The following COL12A1 variants were observed in gnomAD, a reference collection of about 807,000 sequenced individuals.
The protein encoded by COL12A1 is collagen alpha-1(XII) chain.
COL12A1 carries 114 observed loss-of-function variants against 349.7 expected under a neutral mutation model. The ratio of observed to expected loss-of-function variants is 0.33; its 90% CI spans 0.28 to 0.38. COL12A1 has a LOEUF of 0.38. Among genes scored for constraint, COL12A1 ranks in the 10% least tolerant of loss-of-function variants. The pLI is 1.00. For synonymous variants in COL12A1, 1,369 were observed against 1,329.0 expected, an observed-to-expected ratio of 1.03 and a Z score of -0.66; for missense variants, 3,284 against 3,756.9, an observed-to-expected ratio of 0.87 and a Z score of 3.29.
Position 75,146,104 on chromosome 6 carries a change from C to T in COL12A1, c.4558G>A (p.Glu1520Lys), listed in dbSNP as rs1369840129. Residue 1520 changes from glutamate to lysine, a missense_variant and splice_region_variant, in exon 24 of 66, where the codon GAG becomes AAG. Transcript: ENST00000322507. ...VKDTEPTRPK[E>K]VRLGPTVNDM... Reference sequence around the variant, plus strand: ...TTAAAGAAACAAACATCTTTCACCTCTTTGGGTCTTGTTGGCTCTGTGTCC... The same window carrying T: ...TTAAAGAAACAAACATCTTTCACCTTTTTGGGTCTTGTTGGCTCTGTGTCC... 1.9e-6 allele frequency: 3 copies of T among 1,595,558 alleles called. No homozygotes were observed. The highest frequency in any genetic ancestry group is 2.2e-5 in the East Asian group (1 of 44,664).
intron 16 of COL12A1, among the ~76,000 whole-genome samples, chr6:75,154,864 T>C (rs1767675070): frequency 6.6e-6 from 1 of 152,168 alleles, no homozygotes. Context: ...TCTTTAATCT[T>C]ACTGTTTCTA....
In COL12A1 at chr6:75,091,326, T is replaced by C; in HGVS notation, c.8749A>G (p.Ser2917Gly). Residue 2917 changes from serine to glycine, a missense_variant, in exon 62 of 66, where the codon AGT becomes GGT. Physicochemically the swap from Ser to Gly is moderately conservative, Grantham distance 56. This residue lies in a region of COL12A1 where 683 missense variants were observed against 932.1 expected (regional missense o/e 0.73). Transcript: ENST00000322507. The stretch of plus-strand genomic sequence containing the variant: ...GTAAAAAGAAAAGAAATTTTACCAC[T>C]TATCAATTGTTCACAGACTTGTCTT... ...VARQVCEQLI[S>G]GQMNRFNQML... The C allele has an allele frequency of 6.2e-7, 1 of 1,612,554 alleles. No individual in the cohort carries two copies. Among genetic ancestry groups the C allele is most frequent in the Non-Finnish European group, 8.5e-7 (1 of 1,179,602 alleles).
chr6:75,124,159 T>C (rs1334734179), intron 41 of COL12A1, 65 bp from the exon 42 acceptor site: 5 of 1,593,744 alleles, frequency 3.1e-6, no homozygotes, highest in Non-Finnish European at 4.3e-6. Flanking sequence ...AAATTTTATA[T>C]CGCATTGTTA....
intron 16 of COL12A1, 130 bp downstream of exon 16, chr6:75,155,532 G>T: frequency 2.1e-6 from 2 of 950,030 alleles, no homozygotes; most frequent in Non-Finnish European, 3.0e-6. Flanking sequence ...AGCTTTAGCT[G>T]ATTTTAAATA....
chr6:75,161,779 CCTT>C (rs1314004207), intron 14 of COL12A1, among the ~76,000 whole-genome samples: 1 of 152,194 alleles, frequency 6.6e-6, no homozygotes, highest in Non-Finnish European at 1.5e-5. Context: ...CCCAGAATCT[CCTT>C]AAGCTGATAA....
chr6:75,200,756 T>C (rs1770484430), intron 2 of COL12A1, among the ~76,000 whole-genome samples: 1 of 152,164 alleles, frequency 6.6e-6, no homozygotes, highest in Admixed American at 6.5e-5. Context: ...TGTTTCTTTT[T>C]CCATTTTGAA....
rs375435011 is a variant in COL12A1 at position 75,091,119 on chromosome 6, G to A, written c.8752+204C>T. Among the ~76,000 whole-genome samples the A allele has an allele frequency of 3.9e-4, 60 of 151,948 alleles. No homozygotes were observed. In the East Asian group the frequency reaches 0.01, roughly 26 times the overall value. On this transcript the variant is annotated intron_variant, in intron 62 of 65. Coordinates refer to ENST00000322507, the MANE Select transcript of COL12A1 (RefSeq NM_004370.6). ...GTTTACTGCTATTATTTTACCTTGG[G>A]TTATTATTTTATCTTAGTGACAATC...
At chr6:75,195,649 C>T (rs554255865) in intron 2 of COL12A1, among the ~76,000 whole-genome samples, 7 of 152,034 alleles carry the variant, frequency 4.6e-5, no homozygotes, top group Non-Finnish European at 8.8e-5. Context: ...ATATAAATAG[C>T]GATATTCAAA....
chr6:75,109,079 A>C lies in COL12A1; in HGVS notation c.8039T>G (p.Ile2680Arg), dbSNP rs1768706071. 6.2e-7 allele frequency: 1 copy of C among 1,612,420 alleles called. No individual in the cohort carries two copies. Among genetic ancestry groups the C allele is most frequent in the African/African-American group, 1.3e-5 (1 of 74,838 alleles). The part of the protein sequence containing the change: ...IEKDIKEAGN[I>R]TTDGYEILGK... ...AAGAATTTCATAACCATCAGTTGTT[A>C]TATTTCCAGCTTCCTTGATGTCTTT... The change falls in exon 52 of 66, where the codon ATA (isoleucine) becomes AGA (arginine). Residue 2680 changes from isoleucine (I) to arginine (R), a missense_variant. Transcript: ENST00000322507.
At chr6:75,189,035 G>A (rs1769783888) in intron 7 of COL12A1, among the ~76,000 whole-genome samples, 182 bp downstream of exon 7, 1 of 152,068 alleles carries the variant, frequency 6.6e-6, no homozygotes, top group African/African-American at 2.4e-5. Context: ...GGAGTTATAT[G>A]AGGGAAATAG....
In COL12A1 at chr6:75,133,471, A is replaced by G. The variant is rs1000939099; in HGVS notation, c.5665-49T>C. On this transcript the variant is annotated intron_variant, in intron 33 of 65. Transcript: ENST00000322507. ...AGCATTGACTTGAAAAATTTGTGAA[A>G]GAAATAATAATTCAAATAACACAAT... 3 of 1,562,582 alleles carry G rather than the reference A, an allele frequency of 1.9e-6. No homozygotes were observed. In the African/African-American group the frequency reaches 4.1e-5, roughly 21 times the overall value.
intron 3 of COL12A1, among the ~76,000 whole-genome samples, chr6:75,194,428 T>C (rs1417142904): frequency 6.6e-6 from 1 of 152,182 alleles, no homozygotes; most frequent in Non-Finnish European, 1.5e-5. Flanking sequence ...TCCTGGATAC[T>C]GAAATGTGTA....
chr6:75,101,441 C>G (rs1414914141), intron 58 of COL12A1, among the ~76,000 whole-genome samples, 159 bp downstream of exon 58: 1 of 152,208 alleles, frequency 6.6e-6, no homozygotes, highest in Non-Finnish European at 1.5e-5. Context: ...TGAGATTGAT[C>G]TGATGTTGGA....
At chr6:75,126,801 T>C (rs1208392449) in intron 38 of COL12A1, among the ~76,000 whole-genome samples, 1 of 152,120 alleles carries the variant, frequency 6.6e-6, no homozygotes, top group Non-Finnish European at 1.5e-5. Context: ...TGTCATACAT[T>C]ACAGATTGTT....
chr6:75,148,703 T>A (rs906609114), intron 21 of COL12A1, among the ~76,000 whole-genome samples: 1 of 152,158 alleles, frequency 6.6e-6, no homozygotes, highest in Non-Finnish European at 1.5e-5. Flanking sequence ...TTTTCTAGCC[T>A]CAAAAGATTA....
Position 75,130,661 on chromosome 6 carries a change from C to T in COL12A1, c.6067+191G>A, listed in dbSNP as rs566510032. On this transcript the variant is annotated intron_variant, in intron 36 of 65. Coordinates refer to ENST00000322507, the MANE Select transcript of COL12A1 (RefSeq NM_004370.6). ...TTAACTCATGTCCCAAATGAGAACA[C>T]GAACAGAAGAAGTTCACGTCACACA... Among the ~76,000 whole-genome samples the T allele has an allele frequency of 2.6e-5, 4 of 152,174 alleles. No individual in the cohort carries two copies. The East Asian group carries it at 5.8e-4, about 22-fold the overall frequency.
chr6:75,201,629 GAAAA>G (rs199919591), intron 2 of COL12A1, among the ~76,000 whole-genome samples: 1 of 140,218 alleles, frequency 7.1e-6, no homozygotes, highest in Non-Finnish European at 1.6e-5. Context: ...TTTCTTTACT[GAAAA>G]AAAAAAAAGA....
rs74985680 is a variant in COL12A1, at chr6:75,176,920, A to T, written c.2437+743T>A. Among the ~76,000 whole-genome samples, 1,260 of 152,332 alleles carry T rather than the reference A, an allele frequency of 8.3e-3. 8 individuals are homozygous for T. Among genetic ancestry groups the T allele is most frequent in the Non-Finnish European group, 0.014 (932 of 68,030 alleles). The stretch of plus-strand genomic sequence containing the variant: ...CCAATGAAATCACGTATTAAACATT[A>T]ATAATTTCAACAAACATCAGAATGT... On this transcript the variant is annotated intron_variant, in intron 12 of 65. Transcript: ENST00000322507.
At chr6:75,152,063 A>G (rs754900121) in intron 19 of COL12A1, 32 bp from the exon 20 acceptor site, 1 of 1,613,790 alleles carries the variant, frequency 6.2e-7, no homozygotes, top group Non-Finnish European at 8.5e-7. Flanking sequence ...AATCAGTCAC[A>G]TCACCATTCA....
Sources: gnomAD v4.1 joint callset for allele counts (sites outside exome capture counted in the v4.1 genomes callset) on GRCh38, gnomAD v4.1.1 for gene constraint, gnomAD v4.1.1 regional missense constraint, MANE v1.5 for transcripts, NCBI Gene and HGNC (gene_info 2026-07-23, HGNC 2026-07-21) for gene names.